Variants in NFIX observed in about 807,000 individuals in gnomAD.
The protein encoded by NFIX is nuclear factor I X.
In NFIX, 2 loss-of-function variants were observed where a neutral mutation model predicts 53.3. That is an observed-to-expected ratio of 0.04 (90% CI 0.02 to 0.12). The LOEUF (loss-of-function observed/expected upper bound fraction) is 0.12, where lower values mean the gene tolerates loss of function less well. NFIX is among the 10% of genes least tolerant of loss of function. The pLI, the probability that NFIX is intolerant of heterozygous loss-of-function variation, is 1.00. For missense variants in NFIX, 310 were observed against 674.5 expected, an observed-to-expected ratio of 0.46 and a Z score of 5.99; for synonymous variants, 244 against 289.0, an observed-to-expected ratio of 0.84 and a Z score of 1.58.
Position 13,088,570 on chromosome 19 carries a change from G to A in NFIX, c.1402+434G>A, listed in dbSNP as rs985733230. Reference sequence around the variant, plus strand: ...TCCCCCCACACCAAGAAAATCAAATGTAACCACAAGGCGACGCCACCACCA... The same window carrying A: ...TCCCCCCACACCAAGAAAATCAAATATAACCACAAGGCGACGCCACCACCA... On this transcript the variant is annotated intron_variant, in intron 9 of 10. Transcript: ENST00000592199. The surrounding 1 kb of genome is among the most constrained non-coding windows in gnomAD (Gnocchi z 5.9). 1.3e-5 allele frequency among the ~76,000 whole-genome samples: 2 copies of A among 149,538 alleles called. No homozygotes were observed. The highest frequency in any genetic ancestry group is 3.0e-5 in the Non-Finnish European group (2 of 67,544).
chr19:13,067,334 C>T lies in NFIX; in HGVS notation c.560-5713C>T, dbSNP rs1161914551. Among the ~76,000 whole-genome samples the T allele has an allele frequency of 2.0e-5, 3 of 152,196 alleles. No individual in the cohort carries two copies. The highest frequency in any genetic ancestry group is 6.5e-5 in the Admixed American group (1 of 15,288). ...GGCACACCCCAAGGGCTGTTCTCCC[C>T]GTTTCCAAAGGCCAGCGGTTCCTGC... On this transcript the variant is annotated intron_variant, in intron 2 of 10. Coordinates refer to ENST00000592199, the MANE Select transcript of NFIX (RefSeq NM_001365902.3). The surrounding 1 kb of genome is among the most constrained non-coding windows in gnomAD (Gnocchi z 4.2).
At chr19:13,084,023 C>T (rs1235297081) in intron 8 of NFIX, among the ~76,000 whole-genome samples, 2 of 152,246 alleles carry the variant, frequency 1.3e-5, no homozygotes, top group African/African-American at 4.8e-5. Context: ...GCATCTGATG[C>T]AGCAGGTCTG....
Position 13,049,819 on chromosome 19 carries a change from C to G in NFIX, c.560-23228C>G, listed in dbSNP as rs1328233796. ...ATATTGGCCAGGCTGGTCTCGAACT[C>G]CTGATCTCGTGATCCGCTCACCTCG... On this transcript the variant is annotated intron_variant, in intron 2 of 10. Transcript: ENST00000592199. This position sits in a 1 kb window ranked among gnomAD's most constrained non-coding sequence, Gnocchi z 4.5. 6.6e-6 allele frequency among the ~76,000 whole-genome samples: 1 copy of G among 152,126 alleles called. No individual in the cohort carries two copies. Among genetic ancestry groups the G allele is most frequent in the Non-Finnish European group, 1.5e-5 (1 of 68,022 alleles).
At chr19:13,029,303 CTAT>C (rs2013614700) in intron 2 of NFIX, among the ~76,000 whole-genome samples, 1 of 152,158 alleles carries the variant, frequency 6.6e-6, no homozygotes, top group South Asian at 2.1e-4. Flanking sequence ...CACAATACCA[CTAT>C]TATACCCATT....
At chr19:13,064,267 C>A (rs1281922566) in intron 2 of NFIX, among the ~76,000 whole-genome samples, 1 of 152,230 alleles carries the variant, frequency 6.6e-6, no homozygotes, top group Non-Finnish European at 1.5e-5. Context: ...CAGCTGCCGG[C>A]TGAATCGTGG....
chr19:13,035,157 C>A (rs1362616285), intron 2 of NFIX, among the ~76,000 whole-genome samples: 1 of 152,218 alleles, frequency 6.6e-6, no homozygotes, highest in African/African-American at 2.4e-5. Context: ...AGAATGCCAC[C>A]TGTGTTCACC....
At chr19:13,003,158 A>G (rs1402498819) in intron 1 of NFIX, among the ~76,000 whole-genome samples, 1 of 152,068 alleles carries the variant, frequency 6.6e-6, no homozygotes, top group Non-Finnish European at 1.5e-5. Context: ...TCACTGGCAC[A>G]TGCGGGCACA....
rs1471215998 is a variant in NFIX at position 13,087,981 on chromosome 19, G to A, written c.1255-8G>A. ...CTTCATGCGTCACTCTATTTATGTT[G>A]TTCGCAGCCCAACGGTAGCGGCCAG... On this transcript the variant is annotated splice_region_variant and splice_polypyrimidine_tract_variant and intron_variant, in intron 8 of 10. Transcript: ENST00000592199. 1 of 1,535,994 alleles carries A rather than the reference G, an allele frequency of 6.5e-7. No homozygotes were observed. Among genetic ancestry groups the A allele is most frequent in the Admixed American group, 2.0e-5 (1 of 50,998 alleles).
At chr19:13,029,784 G>T (rs979459561) in intron 2 of NFIX, among the ~76,000 whole-genome samples, 1 of 152,208 alleles carries the variant, frequency 6.6e-6, no homozygotes, top group African/African-American at 2.4e-5. Flanking sequence ...TGCCTTCTCA[G>T]GTATGAGAGC....
rs1029822476 is a variant in NFIX, at chr19:13,011,186, AC to A, written c.28-13828del. Among the ~76,000 whole-genome samples the A allele has an allele frequency of 2.7e-5, 4 of 149,188 alleles. No individual in the cohort carries two copies. Among genetic ancestry groups the A allele is most frequent in the Non-Finnish European group, 5.9e-5 (4 of 67,330 alleles). ...CATCCCACGTTCTTAAAGACCGGGGACCCCCCCTCCCCCAAGGGCCGGACTG... is the reference window on the plus strand; with the variant it reads ...CATCCCACGTTCTTAAAGACCGGGGACCCCCCTCCCCCAAGGGCCGGACTG... On this transcript the variant is annotated intron_variant, in intron 1 of 10. Transcript: ENST00000592199. This position sits in a 1 kb window ranked among gnomAD's most constrained non-coding sequence, Gnocchi z 6.5.
chr19:13,019,118 AT>A (rs34772188), intron 1 of NFIX, among the ~76,000 whole-genome samples: 15 of 148,878 alleles, frequency 1.0e-4, no homozygotes, highest in East Asian at 2.0e-4. Context: ...GACACATAGG[AT>A]TTTTTTTTTT....
At position 13,015,852 on chromosome 19, in the gene NFIX, G is replaced by A. The variant is rs189329428; in HGVS notation, c.28-9169G>A. Among the ~76,000 whole-genome samples the A allele has an allele frequency of 7.2e-5, 11 of 152,158 alleles. No homozygotes were observed. The East Asian group carries it at 2.1e-3, about 29-fold the overall frequency. On this transcript the variant is annotated intron_variant, in intron 1 of 10. Transcript: ENST00000592199. ...CACTCTGCAGCAGTGAGGATGAGAG[G>A]GGTTTCTATTTGCCACACATTTTTG...
Position 13,066,001 on chromosome 19 carries a change from T to C in NFIX, c.560-7046T>C, listed in dbSNP as rs10423745. ...TGTGTGGCTGGAAGGCTTCTGGCTA[T>C]GAGTCTATCTCCACATGGGGAGTGG... is the stretch of plus-strand genomic sequence containing the variant. On this transcript the variant is annotated intron_variant, in intron 2 of 10. Transcript: ENST00000592199. This position sits in a 1 kb window ranked among gnomAD's most constrained non-coding sequence, Gnocchi z 4.2. Among the ~76,000 whole-genome samples, 72,931 of 152,014 alleles carry C rather than the reference T, an allele frequency of 0.48. 20,100 individuals are homozygous for C. The highest frequency in any genetic ancestry group is 0.74 in the African/African-American group (30,801 of 41,438).
In NFIX at chr19:12,998,932, ACACT is replaced by A. The variant is rs1385450310; in HGVS notation, c.27+3072_27+3075del. Among the ~76,000 whole-genome samples the A allele has an allele frequency of 1.3e-5, 2 of 152,034 alleles. No homozygotes were observed. The highest frequency in any genetic ancestry group is 2.4e-5 in the African/African-American group (1 of 41,386). On this transcript the variant is annotated intron_variant, in intron 1 of 10. Coordinates refer to ENST00000592199, the MANE Select transcript of NFIX (RefSeq NM_001365902.3). This position sits in a 1 kb window ranked among gnomAD's most constrained non-coding sequence, Gnocchi z 4.4. ...ACAACCACCCCCAGCGCACACATAA[ACACT>A]CACAAACCCCTCGAGATGATACAGA...
rs74782879 is a variant in NFIX at position 13,073,739 on chromosome 19, C to T, written c.698-167C>T. On this transcript the variant is annotated intron_variant, in intron 4 of 10. Coordinates refer to ENST00000592199, the MANE Select transcript of NFIX (RefSeq NM_001365902.3). The surrounding 1 kb of genome is among the most constrained non-coding windows in gnomAD (Gnocchi z 4.5). ...CAACCAAAGGCTCTTCTGTGACCCACTAGCTGGGAGGAGGTTCCTCAGCAG... is the reference window on the plus strand; with the variant it reads ...CAACCAAAGGCTCTTCTGTGACCCATTAGCTGGGAGGAGGTTCCTCAGCAG... 1.3e-5 allele frequency among the ~76,000 whole-genome samples: 2 copies of T among 152,174 alleles called. No homozygotes were observed. Among genetic ancestry groups the T allele is most frequent in the South Asian group, 4.1e-4 (2 of 4,832 alleles).
chr19:13,017,202 G>T (rs1363123059), intron 1 of NFIX, among the ~76,000 whole-genome samples: 3 of 152,152 alleles, frequency 2.0e-5, no homozygotes, highest in Non-Finnish European at 2.9e-5. Context: ...GGGGAGGGAC[G>T]GAGCGTGGCC....
intron 1 of NFIX, among the ~76,000 whole-genome samples, chr19:13,008,199 T>G (rs1192305057): frequency 6.6e-6 from 1 of 152,144 alleles, no homozygotes; most frequent in Admixed American, 6.5e-5. Context: ...TCCTGTATTC[T>G]CATGACTCCA....
rs1186891215 is a variant in NFIX, at chr19:13,067,666, T to C, written c.560-5381T>C. 6.6e-6 allele frequency among the ~76,000 whole-genome samples: 1 copy of C among 152,058 alleles called. No individual in the cohort carries two copies. Among genetic ancestry groups the C allele is most frequent in the Non-Finnish European group, 1.5e-5 (1 of 68,008 alleles). On this transcript the variant is annotated intron_variant, in intron 2 of 10. Transcript: ENST00000592199. This position sits in a 1 kb window ranked among gnomAD's most constrained non-coding sequence, Gnocchi z 4.2. ...TCCGTGGGGGCAATTGGCCAGCAAA[T>C]TATACATGGCCCCTTTCACAGTACA...
intron 7 of NFIX, among the ~76,000 whole-genome samples, chr19:13,079,254 G>A (rs886832743): frequency 6.6e-6 from 1 of 152,164 alleles, no homozygotes; most frequent in African/African-American, 2.4e-5. Context: ...CCTCCCTGCC[G>A]CTTTCTAGAA....
Sources: gnomAD v4.1 joint callset for allele counts (sites outside exome capture counted in the v4.1 genomes callset) on GRCh38, gnomAD v4.1.1 for gene constraint, Gnocchi (gnomAD v3.1) non-coding constraint, MANE v1.5 for transcripts, NCBI Gene and HGNC (gene_info 2026-07-23, HGNC 2026-07-21) for gene names.